Variants in ITPR1 observed in about 807,000 individuals in gnomAD.
ITPR1 encodes the protein inositol 1,4,5-trisphosphate-gated calcium channel ITPR1.
In ITPR1, 96 loss-of-function variants were observed where a neutral mutation model predicts 318.4. The observed-to-expected ratio is 0.30, with a 90% CI of 0.26 to 0.36. The LOEUF is 0.36. Among genes scored for constraint, ITPR1 ranks in the 10% least tolerant of loss-of-function variants. The probability of loss-of-function intolerance (pLI) is 1.00; values close to 1 mark genes in which losing one functional copy is unlikely to be tolerated. For synonymous variants in ITPR1, 1,312 were observed against 1,289.9 expected (o/e 1.02, Z -0.37); for missense variants, 2,440 against 3,460.2 (o/e 0.71, Z 7.40).
chr3:4,675,319 C>A (rs1292217209), intron 23 of ITPR1, 71 bp downstream of exon 23: 13 of 1,057,624 alleles, frequency 1.2e-5, no homozygotes, highest in African/African-American at 1.7e-5. Context: ...CATGTCATAC[C>A]CTATATGTGA....
intron 18 of ITPR1, among the ~76,000 whole-genome samples, chr3:4,668,214 ATTT>A (rs60932812): frequency 6.8e-5 from 8 of 117,638 alleles, no homozygotes; most frequent in Non-Finnish European, 7.3e-5. Flanking sequence ...CGTTCTTTCT[ATTT>A]TTTTTTTTTT....
At chr3:4,732,621 A>G (rs1166882029) in intron 42 of ITPR1, among the ~76,000 whole-genome samples, 1 of 152,170 alleles carries the variant, frequency 6.6e-6, no homozygotes, top group East Asian at 1.9e-4. Context: ...TTTGTAAGAA[A>G]GGCTTACTCT....
At chr3:4,711,636 A>C in intron 38 of ITPR1, 121 bp from the exon 39 acceptor site, 1 of 659,558 alleles carries the variant, frequency 1.5e-6, no homozygotes, top group Non-Finnish European at 2.7e-6. Context: ...AGTATCTTTA[A>C]CCTGAGAGCT....
At chr3:4,797,385 T>C (rs1446595667) in intron 53 of ITPR1, among the ~76,000 whole-genome samples, 5 of 152,184 alleles carry the variant, frequency 3.3e-5, no homozygotes. Flanking sequence ...TTAGGATTTG[T>C]TGCATCCTAA....
At chr3:4,705,930 C>T (rs2094747534) in intron 36 of ITPR1, among the ~76,000 whole-genome samples, 1 of 152,202 alleles carries the variant, frequency 6.6e-6, no homozygotes, top group Admixed American at 6.5e-5. Context: ...GGCCTTATGA[C>T]CTGAGAGCAT....
intron 37 of ITPR1, among the ~76,000 whole-genome samples, chr3:4,709,573 A>G (rs1660968523): frequency 6.6e-6 from 1 of 152,238 alleles, no homozygotes; most frequent in Non-Finnish European, 1.5e-5. Context: ...ACCATGGAGC[A>G]GGCTTTAGCA....
Position 4,706,292 on chromosome 3 carries a change from C to G in ITPR1, c.4783C>G (p.Arg1595Gly). Residue 1595 changes from arginine (R) to glycine (G), a missense_variant, in exon 37 of 62, where the codon CGC becomes GGC. By Grantham distance (125) the Arg-to-Gly change is moderately radical. Transcript: ENST00000649015. ...GCGGCTCTCAGCCCGCAATGCCGCACGCAGGGACTCTGTTCTGGCAGCTTC... is the reference window on the plus strand; with the variant it reads ...GCGGCTCTCAGCCCGCAATGCCGCAGGCAGGGACTCTGTTCTGGCAGCTTC... ...NWRLSARNAA[R>G]RDSVLAASRD... 1 of 1,613,988 alleles carries G rather than the reference C, an allele frequency of 6.2e-7. No individual in the cohort carries two copies. Among genetic ancestry groups the G allele is most frequent in the Non-Finnish European group, 8.5e-7 (1 of 1,179,866 alleles).
At position 4,702,824 on chromosome 3, in the gene ITPR1, T is replaced by C. The variant is rs557642414; in HGVS notation, c.4537-6T>C. The C allele has an allele frequency of 1.5e-5, 24 of 1,613,480 alleles. 1 individual carries two copies. In the South Asian group the frequency reaches 2.5e-4, roughly 17 times the overall value. On this transcript the variant is annotated splice_polypyrimidine_tract_variant and splice_region_variant and intron_variant, in intron 35 of 61. Coordinates refer to ENST00000649015, the MANE Select transcript of ITPR1 (RefSeq NM_001378452.1). ...TTTTCACGTTGCCTCTTTTGGCTTC[T>C]TGCAGACTCGCCAGCCTGTCTTTGT...
intron 4 of ITPR1, among the ~76,000 whole-genome samples, chr3:4,542,307 TG>T (rs2084533777): frequency 2.6e-5 from 4 of 152,216 alleles, no homozygotes; most frequent in Admixed American, 2.6e-4. Flanking sequence ...ACTATCAGCT[TG>T]TGTTTTTTTG....
At position 4,661,060 on chromosome 3, in the gene ITPR1, G is replaced by A; in HGVS notation, c.1224G>A (p.Lys408=). 1 of 1,608,942 alleles carries A rather than the reference G, an allele frequency of 6.2e-7. No individual in the cohort carries two copies. Among genetic ancestry groups the A allele is most frequent in the Non-Finnish European group, 8.5e-7 (1 of 1,175,426 alleles). The change falls in exon 14 of 62, where the codon AAG becomes AAA. Residue 408 remains lysine, a synonymous_variant. Transcript: ENST00000649015. ...WVHSTNIPID[K]EEEKPVMLKI... is the part of the protein sequence containing the mutation. Reference sequence around the variant, plus strand: ...ACAGCACAAATATTCCTATTGACAAGGAAGAAGAAAAGCCCGTGATGCTGA... The same window carrying A: ...ACAGCACAAATATTCCTATTGACAAAGAAGAAGAAAAGCCCGTGATGCTGA...
At chr3:4,729,302 A>G (rs1282024973) in intron 42 of ITPR1, among the ~76,000 whole-genome samples, 1 of 152,218 alleles carries the variant, frequency 6.6e-6, no homozygotes, top group Non-Finnish European at 1.5e-5. Context: ...AGCTGTGCAC[A>G]TGAAGCCCTT....
At chr3:4,590,627 T>G (rs1439086176) in intron 4 of ITPR1, among the ~76,000 whole-genome samples, 1 of 151,948 alleles carries the variant, frequency 6.6e-6, no homozygotes, top group Non-Finnish European at 1.5e-5. Flanking sequence ...TTGCCCAGGC[T>G]GACCTTGAAC....
chr3:4,535,505 C>A, intron 4 of ITPR1, among the ~76,000 whole-genome samples: 1 of 137,098 alleles, frequency 7.3e-6, no homozygotes, highest in East Asian at 2.2e-4. Context: ...TGCAGTGGCG[C>A]AATCTCGGCT....
At chr3:4,783,942 G>C (rs752383223) in intron 51 of ITPR1, 22 bp downstream of exon 51, 1 of 1,544,334 alleles carries the variant, frequency 6.5e-7, no homozygotes, top group East Asian at 2.3e-5. Context: ...GTAAACTCAG[G>C]GCATGGGGTT....
intron 53 of ITPR1, among the ~76,000 whole-genome samples, chr3:4,797,368 A>G (rs1034415940): frequency 3.9e-5 from 6 of 152,226 alleles, no homozygotes; most frequent in Middle Eastern, 3.4e-3. Flanking sequence ...CTTTGAGCTA[A>G]TATGTGTTAG....
intron 5 of ITPR1, among the ~76,000 whole-genome samples, chr3:4,634,671 G>C (rs1288095541): frequency 6.6e-6 from 1 of 152,120 alleles, no homozygotes; most frequent in Non-Finnish European, 1.5e-5. Flanking sequence ...AGATAACCTT[G>C]GGTTTTATTT....
At position 4,846,187 on chromosome 3, in the gene ITPR1, C is replaced by T. The variant is rs201306619; in HGVS notation, c.8239C>T (p.Pro2747Ser). ...ACAAAGAATTGGTCTTCTAGGACAT[C>T]CTCCTCACATGAATGTCAACCCACA... ...QKQRIGLLGH[P>S]PHMNVNPQQP... The change falls in exon 62 of 62, where the codon CCT becomes TCT. Residue 2747 changes from proline to serine, a missense_variant. Physicochemically the swap from Pro to Ser is moderately conservative, Grantham distance 74. Around this residue, in one of 23 missense-constraint regions of ITPR1, gnomAD observed 63 missense variants for 63.4 expected, o/e 0.99. Coordinates refer to ENST00000649015, the MANE Select transcript of ITPR1 (RefSeq NM_001378452.1). 4.7e-5 allele frequency: 74 copies of T among 1,568,932 alleles called. No individual in the cohort carries two copies. Among genetic ancestry groups the T allele is most frequent in the Admixed American group, 4.7e-4 (25 of 53,342 alleles).
Position 4,847,203 on chromosome 3 carries a change from G to C in ITPR1, c.*978G>C, listed in dbSNP as rs897555525. 6.6e-6 allele frequency: 1 copy of C among 152,500 alleles called. No individual in the cohort carries two copies. Among genetic ancestry groups the C allele is most frequent in the Non-Finnish European group, 1.5e-5 (1 of 68,026 alleles). The allele number at this position is 152,500 out of a possible 1,614,324, so 9.4% of individuals were successfully genotyped here. ...TTAAAACTATATACATCCATATAAAGATGAAATATGAACTATCTCATTAGA... is the reference window on the plus strand; with the variant it reads ...TTAAAACTATATACATCCATATAAACATGAAATATGAACTATCTCATTAGA... On this transcript the variant is annotated 3_prime_UTR_variant, in exon 62 of 62. Coordinates refer to ENST00000649015, the MANE Select transcript of ITPR1 (RefSeq NM_001378452.1).
chr3:4,687,572 G>A (rs1247283474), intron 30 of ITPR1, among the ~76,000 whole-genome samples: 1 of 152,200 alleles, frequency 6.6e-6, no homozygotes, highest in Admixed American at 6.5e-5. Context: ...GACTTAGGAA[G>A]ACTATTGTGG....
Sources: allele counts gnomAD v4.1 joint callset (sites outside exome capture counted in the v4.1 genomes callset), GRCh38; gene constraint gnomAD v4.1.1; regional missense constraint gnomAD v4.1.1; transcripts MANE v1.5; gene names NCBI Gene and HGNC (gene_info 2026-07-23, HGNC 2026-07-21).